Variants in BRINP3 observed in about 807,000 individuals in gnomAD.
BRINP3 encodes BMP/retinoic acid inducible neural specific 3.
A neutral mutation model predicts 71.0 loss-of-function variants in BRINP3; 19 were observed. The ratio of observed to expected loss-of-function variants is 0.27; its 90% CI spans 0.19 to 0.39. BRINP3 has a LOEUF of 0.39. BRINP3 is among the 10% of genes least tolerant of loss of function. The pLI, the probability that BRINP3 is intolerant of heterozygous loss-of-function variation, is 1.00. For synonymous variants in BRINP3, 380 were observed against 337.7 expected, an observed-to-expected ratio of 1.13 and a Z score of -1.37; for missense variants, 959 against 940.8, an observed-to-expected ratio of 1.02 and a Z score of -0.25.
Position 190,458,419 on chromosome 1 carries a change from C to T in BRINP3, c.-50-3479G>A, listed in dbSNP as rs1571366792. On this transcript the variant is annotated intron_variant, in intron 1 of 7. Transcript: ENST00000367462. ...AAAAGTCATAATAGAATGCCTAAGG[C>T]AAGCATGTAAGCTTCTAGCCATCTT... Among the ~76,000 whole-genome samples the T allele has an allele frequency of 2.0e-5, 3 of 151,968 alleles. No individual in the cohort carries two copies. In the East Asian group the frequency reaches 5.8e-4, roughly 29 times the overall value.
intron 6 of BRINP3, among the ~76,000 whole-genome samples, chr1:190,224,766 G>A (rs1233824156): frequency 6.6e-6 from 1 of 151,676 alleles, no homozygotes; most frequent in Non-Finnish European, 1.5e-5. Flanking sequence ...TACATAAGGA[G>A]CTCAAACAAC....
intron 7 of BRINP3, among the ~76,000 whole-genome samples, chr1:190,123,803 T>C (rs1320443820): frequency 6.6e-6 from 1 of 152,144 alleles, no homozygotes; most frequent in East Asian, 1.9e-4. Context: ...AATGCTGAAA[T>C]CTGTATTTTG....
intron 2 of BRINP3, among the ~76,000 whole-genome samples, chr1:190,430,915 C>T (rs1481623907): frequency 6.6e-6 from 1 of 151,882 alleles, no homozygotes; most frequent in African/African-American, 2.4e-5. Context: ...CTGTAAACTA[C>T]TTAAATCTGT....
intron 2 of BRINP3, among the ~76,000 whole-genome samples, chr1:190,404,187 T>G (rs1672116974): frequency 6.6e-6 from 1 of 152,174 alleles, no homozygotes; most frequent in South Asian, 2.1e-4. Flanking sequence ...TATTTACAAA[T>G]AGTAATTCTA....
chr1:190,356,844 A>C (rs1179811166), intron 2 of BRINP3, among the ~76,000 whole-genome samples: 1 of 152,056 alleles, frequency 6.6e-6, no homozygotes, highest in African/African-American at 2.4e-5. Flanking sequence ...AATGAAAAGT[A>C]ATCTCTCATT....
chr1:190,325,131 G>GA (rs1214139820), intron 2 of BRINP3, among the ~76,000 whole-genome samples: 1 of 151,580 alleles, frequency 6.6e-6, no homozygotes, highest in Non-Finnish European at 1.5e-5. Flanking sequence ...CTGATACCCA[G>GA]AAAAAAAGCT....
intron 4 of BRINP3, among the ~76,000 whole-genome samples, chr1:190,247,934 C>G (rs940070110): frequency 3.3e-5 from 5 of 151,884 alleles, no homozygotes; most frequent in African/African-American, 1.2e-4. Flanking sequence ...CCTAGACACT[C>G]TATCTTCGAC....
chr1:190,303,695 G>A lies in BRINP3; in HGVS notation c.237-21945C>T, dbSNP rs74129273. Among the ~76,000 whole-genome samples the A allele has an allele frequency of 3.3e-3, 499 of 151,868 alleles. 4 individuals are homozygous for A. The highest frequency in any genetic ancestry group is 0.011 in the African/African-American group (464 of 41,518). ...CAGTTAAAAGTCAGTAAAGCCAGAA[G>A]TCCAGATGGCACTGAATTCACTCAA... is the stretch of plus-strand genomic sequence containing the variant. On this transcript the variant is annotated intron_variant, in intron 2 of 7. Coordinates refer to ENST00000367462, the MANE Select transcript of BRINP3 (RefSeq NM_199051.3).
chr1:190,264,421 A>G (rs1661472421), intron 4 of BRINP3, among the ~76,000 whole-genome samples: 1 of 152,188 alleles, frequency 6.6e-6, no homozygotes, highest in African/African-American at 2.4e-5. Context: ...GTCATTTTCT[A>G]TGAAGCAGGA....
intron 2 of BRINP3, among the ~76,000 whole-genome samples, chr1:190,327,301 C>T (rs1381146757): frequency 2.7e-5 from 3 of 110,062 alleles, no homozygotes; most frequent in Non-Finnish European, 3.4e-5. Flanking sequence ...GGCAACAGAG[C>T]GAGGCTCCAT....
In BRINP3 at chr1:190,472,346, C is replaced by A. The variant is rs149932238; in HGVS notation, c.-51+5102G>T. On this transcript the variant is annotated intron_variant, in intron 1 of 7. Coordinates refer to ENST00000367462, the MANE Select transcript of BRINP3 (RefSeq NM_199051.3). ...TACTTTTCCCAATAACCCTTTATTACGATGTGAAAGAAAAAAACATTAAAA... is the reference window on the plus strand; with the variant it reads ...TACTTTTCCCAATAACCCTTTATTAAGATGTGAAAGAAAAAAACATTAAAA... 7.8e-3 allele frequency among the ~76,000 whole-genome samples: 1,182 copies of A among 151,418 alleles called. 19 individuals carry two copies. The highest frequency in any genetic ancestry group is 0.027 in the African/African-American group (1,134 of 41,418).
intron 3 of BRINP3, among the ~76,000 whole-genome samples, chr1:190,277,123 A>ATATATATATATATAT: frequency 2.2e-5 from 3 of 134,692 alleles, no homozygotes; most frequent in Admixed American, 7.6e-5. Flanking sequence ...ATATATTTAT[A>ATATATATATATATAT]TTCAGAAAAG....
At chr1:190,344,889 T>C (rs1227710978) in intron 2 of BRINP3, among the ~76,000 whole-genome samples, 3 of 151,786 alleles carry the variant, frequency 2.0e-5, no homozygotes, top group African/African-American at 4.8e-5. Context: ...TCAGAGGAGA[T>C]TATTACTACA....
chr1:190,306,165 C>A (rs559937367), intron 2 of BRINP3, among the ~76,000 whole-genome samples: 2 of 151,038 alleles, frequency 1.3e-5, no homozygotes, highest in Non-Finnish European at 3.0e-5. Flanking sequence ...GATGATAAAA[C>A]AAAGACTTAA....
intron 1 of BRINP3, among the ~76,000 whole-genome samples, chr1:190,469,163 T>C (rs1044007330): frequency 2.0e-5 from 3 of 151,028 alleles, no homozygotes; most frequent in Non-Finnish European, 4.5e-5. Flanking sequence ...TTTCTAGTTG[T>C]TGGTACTAAT....
intron 2 of BRINP3, among the ~76,000 whole-genome samples, chr1:190,452,427 G>T (rs1357396916): frequency 6.6e-6 from 1 of 152,182 alleles, no homozygotes; most frequent in East Asian, 1.9e-4. Flanking sequence ...GCTAATGAAG[G>T]TCTTCAGGAA....
At position 190,229,155 on chromosome 1, in the gene BRINP3, G is replaced by T. The variant is rs527987460; in HGVS notation, c.725-2837C>A. ...TACAGGCAGAGTGAGCCCAATATTGGGTTATATGGTTTGGCTCTGTGTCCC... is the reference window on the plus strand; with the variant it reads ...TACAGGCAGAGTGAGCCCAATATTGTGTTATATGGTTTGGCTCTGTGTCCC... On this transcript the variant is annotated intron_variant, in intron 5 of 7. Coordinates refer to ENST00000367462, the MANE Select transcript of BRINP3 (RefSeq NM_199051.3). Among the ~76,000 whole-genome samples the T allele has an allele frequency of 3.3e-5, 5 of 152,096 alleles. No homozygotes were observed. The South Asian group carries it at 1.0e-3, about 32-fold the overall frequency.
At chr1:190,187,873 A>G (rs1271447922) in intron 6 of BRINP3, among the ~76,000 whole-genome samples, 1 of 150,056 alleles carries the variant, frequency 6.7e-6, no homozygotes, top group East Asian at 1.9e-4. Context: ...AGGCTTTTGC[A>G]GTATCGTTCA....
chr1:190,099,052 T>A lies in BRINP3; in HGVS notation c.1267A>T (p.Thr423Ser). Residue 423 changes from threonine to serine, a missense_variant, in exon 8 of 8, where the codon ACG (threonine) becomes TCG (serine). Transcript: ENST00000367462. ...NGLLGSFSEE[T>S]HSCTCPNDQV... ...TCATTCGGACACGTGCACGAGTGCG[T>A]CTCTTCTGAAAAGCTGCCTAGGAGG... 1 of 1,614,098 alleles carries A rather than the reference T, an allele frequency of 6.2e-7. No individual in the cohort carries two copies. The highest frequency in any genetic ancestry group is 2.2e-5 in the East Asian group (1 of 44,866).
Sources: gnomAD v4.1 joint callset for allele counts (sites outside exome capture counted in the v4.1 genomes callset) on GRCh38, gnomAD v4.1.1 for gene constraint, MANE v1.5 for transcripts, NCBI Gene and HGNC (gene_info 2026-07-23, HGNC 2026-07-21) for gene names.